Variants in UGGT1 observed in about 807,000 individuals in gnomAD.
The protein encoded by UGGT1 is UDP-glucose:glycoprotein glucosyltransferase 1.
Under a neutral mutation model 203.9 loss-of-function variants are expected in UGGT1, and 107 were observed. The observed-to-expected ratio is 0.52, with a 90% CI of 0.45 to 0.62. The LOEUF (loss-of-function observed/expected upper bound fraction) is 0.62, where lower values mean the gene tolerates loss of function less well. Among genes scored for constraint, UGGT1 ranks in the 20% least tolerant of loss-of-function variants. The pLI is 0.00. For missense variants in UGGT1, 1,673 were observed against 1,867.2 expected (o/e 0.90, Z 1.92); for synonymous variants, 628 against 653.5 (o/e 0.96, Z 0.59).
At position 128,195,345 on chromosome 2, in the gene UGGT1, A is replaced by G. The variant is rs1453386816; in HGVS notation, c.*5603A>G. The G allele has an allele frequency of 6.6e-6, 1 of 152,254 alleles. No individual in the cohort carries two copies. Among genetic ancestry groups the G allele is most frequent in the Non-Finnish European group, 1.5e-5 (1 of 68,046 alleles). 9.4% of individuals were successfully genotyped at this position (152,254 alleles called of 1,614,324 possible). On this transcript the variant is annotated 3_prime_UTR_variant, in exon 41 of 41. Transcript: ENST00000259253. ...CAACAGCAGAAAGCAAAATACATTA[A>G]CTTAAGGTTGACAACAAAAGATTAT...
intron 31 of UGGT1, among the ~76,000 whole-genome samples, chr2:128,175,141 G>A (rs1247960551): frequency 2.6e-5 from 4 of 152,238 alleles, no homozygotes; most frequent in East Asian, 3.9e-4. Context: ...AGTGTGATGC[G>A]GCTCATAGAT....
At chr2:128,121,402 A>ATTTT in intron 10 of UGGT1, 104 bp downstream of exon 10, 3 of 472,756 alleles carry the variant, frequency 6.3e-6, no homozygotes, top group South Asian at 3.5e-5. Context: ...GAAAATTAAG[A>ATTTT]TTCTTTTTTT....
intron 15 of UGGT1, among the ~76,000 whole-genome samples, chr2:128,135,774 T>C (rs939764008): frequency 6.6e-6 from 1 of 152,168 alleles, no homozygotes; most frequent in Non-Finnish European, 1.5e-5. Flanking sequence ...AAAAAAATCA[T>C]TGAGATATTT....
chr2:128,191,099 TAGAC>T lies in UGGT1; in HGVS notation c.*1360_*1363del, dbSNP rs2104854044. 6.6e-6 allele frequency: 1 copy of T among 152,396 alleles called. No individual in the cohort carries two copies. The highest frequency in any genetic ancestry group is 2.4e-5 in the African/African-American group (1 of 41,592). The allele number at this position is 152,396 out of a possible 1,614,324, so 9.4% of individuals were successfully genotyped here. A position where few individuals can be genotyped will look rare whatever the true frequency, so the allele number is the denominator to read the frequency against. ...GCTGCAGGGCACAGCAGCACTGGCA[TAGAC>T]AGGCACGCTCTGTCTTCCAACGTGC... On this transcript the variant is annotated 3_prime_UTR_variant, in exon 41 of 41. Transcript: ENST00000259253.
chr2:128,176,714 A>G (rs934916920), intron 31 of UGGT1, 100 bp from the exon 32 acceptor site: 1 of 1,118,768 alleles, frequency 8.9e-7, no homozygotes, highest in South Asian at 1.4e-5. Flanking sequence ...GATCTGGAAA[A>G]CTCCTTTATG....
intron 38 of UGGT1, 143 bp from the exon 39 acceptor site, chr2:128,186,540 G>A (rs1691990281): frequency 6.0e-6 from 3 of 500,368 alleles, no homozygotes; most frequent in South Asian, 3.0e-5. Flanking sequence ...CTGGGAGGTG[G>A]AGGCTGCAGT....
intron 1 of UGGT1, 112 bp downstream of exon 1, chr2:128,091,527 C>G: frequency 6.7e-7 from 1 of 1,482,426 alleles, no homozygotes; most frequent in African/African-American, 1.4e-5. Context: ...ACTCAGTTTA[C>G]CCTCTGGTGT....
chr2:128,189,583 A>C, intron 40 of UGGT1, 134 bp from the exon 41 acceptor site: 2 of 932,496 alleles, frequency 2.1e-6, no homozygotes, highest in Non-Finnish European at 3.2e-6. Context: ...CACAAATCCC[A>C]AAGATTTAGT....
intron 2 of UGGT1, among the ~76,000 whole-genome samples, chr2:128,101,763 A>G (rs1285574391): frequency 6.6e-6 from 1 of 152,156 alleles, no homozygotes; most frequent in Non-Finnish European, 1.5e-5. Flanking sequence ...AAGCTTAGTG[A>G]CTGTAACATC....
In UGGT1 at chr2:128,187,578, C is replaced by T. The variant is rs17015981; in HGVS notation, c.4606C>T (p.Leu1536=). The T allele has an allele frequency of 9.5e-4, 1,539 of 1,613,878 alleles. 20 individuals carry two copies. In the African/African-American group the frequency reaches 0.017, roughly 18 times the overall value. The part of the protein sequence containing the change: ...RFQKEKETGA[L]YKEKTKEPSR... ...TCAGAAGGAGAAAGAAACGGGAGCA[C>T]TGTACAAAGAGAAGACAAAAGAACC... is the stretch of plus-strand genomic sequence containing the variant. The change falls in exon 40 of 41, where the codon CTG becomes TTG. Residue 1536 remains leucine (L), a synonymous_variant. Coordinates refer to ENST00000259253, the MANE Select transcript of UGGT1 (RefSeq NM_020120.4).
intron 2 of UGGT1, among the ~76,000 whole-genome samples, chr2:128,098,012 C>G (rs528977059): frequency 6.6e-6 from 1 of 152,064 alleles, no homozygotes; most frequent in African/African-American, 2.4e-5. Flanking sequence ...CGGAAGTGCC[C>G]CACCACACCC....
chr2:128,097,637 T>C (rs1193176024), intron 2 of UGGT1, 73 bp downstream of exon 2: 2 of 1,558,992 alleles, frequency 1.3e-6, no homozygotes, highest in South Asian at 1.2e-5. Flanking sequence ...ATTCAGGAGC[T>C]TTTTAAGGAG....
At chr2:128,173,566 T>A (rs1691224542) in intron 29 of UGGT1, among the ~76,000 whole-genome samples, 1 of 152,228 alleles carries the variant, frequency 6.6e-6, no homozygotes, top group Non-Finnish European at 1.5e-5. Context: ...AGTTCTTTTA[T>A]ACCCCTTTGC....
chr2:128,154,675 A>G (rs1690143086), intron 19 of UGGT1, among the ~76,000 whole-genome samples: 1 of 152,086 alleles, frequency 6.6e-6, no homozygotes, highest in Non-Finnish European at 1.5e-5. Context: ...TATTCTATGG[A>G]TAGTAGGTGT....
At chr2:128,162,309 AT>A (rs1349150469) in intron 25 of UGGT1, among the ~76,000 whole-genome samples, 1 of 149,482 alleles carries the variant, frequency 6.7e-6, no homozygotes, top group African/African-American at 2.5e-5. Context: ...ATTTTCTCCT[AT>A]TCTGTGGAGA....
intron 8 of UGGT1, among the ~76,000 whole-genome samples, chr2:128,118,341 C>T (rs1688227110): frequency 6.6e-6 from 1 of 152,180 alleles, no homozygotes; most frequent in Non-Finnish European, 1.5e-5. Flanking sequence ...TCACGGCTCA[C>T]TGCAGCCTTG....
intron 8 of UGGT1, among the ~76,000 whole-genome samples, chr2:128,117,382 C>T (rs1165993550): frequency 2.0e-5 from 3 of 151,998 alleles, no homozygotes; most frequent in African/African-American, 7.3e-5. Context: ...GAGCCATGGC[C>T]CCCAGCTCAG....
intron 16 of UGGT1, among the ~76,000 whole-genome samples, 195 bp from the exon 17 acceptor site, chr2:128,142,899 C>T (rs189408887): frequency 5.0e-4 from 75 of 150,198 alleles, no homozygotes; most frequent in Non-Finnish European, 9.5e-4. Flanking sequence ...GAGATTCACA[C>T]GAATCCGGAA....
chr2:128,113,259 G>GT lies in UGGT1; in HGVS notation c.696+2dup. ...TTATGTATTCAGACATTATATATTT[G>GT]TAAGTATTGACTTATTTTACACCTG... On this transcript the variant is annotated splice_donor_variant, in intron 6 of 40. Coordinates refer to ENST00000259253, the MANE Select transcript of UGGT1 (RefSeq NM_020120.4). LOFTEE classifies it high-confidence loss of function. 1 of 1,591,212 alleles carries GT rather than the reference G, an allele frequency of 6.3e-7. No individual in the cohort carries two copies. Among genetic ancestry groups the GT allele is most frequent in the Non-Finnish European group, 8.6e-7 (1 of 1,166,696 alleles).
Sources: gnomAD v4.1 joint callset for allele counts (sites outside exome capture counted in the v4.1 genomes callset) on GRCh38, gnomAD v4.1.1 for gene constraint, MANE v1.5 for transcripts, NCBI Gene and HGNC (gene_info 2026-07-23, HGNC 2026-07-21) for gene names.